Variants in FHL2 observed in about 807,000 individuals in gnomAD.
The protein encoded by FHL2 is four and a half LIM domains protein 2.
FHL2 carries 20 observed loss-of-function variants against 32.7 expected under a neutral mutation model. That is an observed-to-expected ratio of 0.61 (90% CI 0.43 to 0.89). The LOEUF (loss-of-function observed/expected upper bound fraction) is 0.89, where lower values mean the gene tolerates loss of function less well. Ranked by LOEUF, FHL2 falls within the 40% of genes least tolerant of loss-of-function variation. The pLI is 0.00. For synonymous variants in FHL2, 123 were observed against 128.1 expected, an observed-to-expected ratio of 0.96 and a Z score of 0.27; for missense variants, 311 against 358.6, an observed-to-expected ratio of 0.87 and a Z score of 1.07.
chr2:105,404,406 G>A (rs1285652029), intron 1 of FHL2, among the ~76,000 whole-genome samples: 1 of 152,174 alleles, frequency 6.6e-6, no homozygotes, highest in African/African-American at 2.4e-5. Flanking sequence ...CTGGCAGTGG[G>A]GTCAGGAGGC....
chr2:105,419,257 C>T (rs772484664), intron 1 of FHL2, among the ~76,000 whole-genome samples: 3 of 152,154 alleles, frequency 2.0e-5, no homozygotes, highest in Non-Finnish European at 4.4e-5. Flanking sequence ...TGTTTGGTTA[C>T]GTAAGTAAGT....
In FHL2 at chr2:105,381,525, G is replaced by A. The variant is rs1021329133; in HGVS notation, c.156+4836C>T. Among the ~76,000 whole-genome samples, 6 of 152,208 alleles carry A rather than the reference G, an allele frequency of 3.9e-5. No homozygotes were observed. The East Asian group carries it at 5.8e-4, about 15-fold the overall frequency. ...GGTGCATGCGAGGTCACTGCTGAGC[G>A]CTGTGCACCTCTGCTGCTATGTCTT... is the stretch of plus-strand genomic sequence containing the variant. On this transcript the variant is annotated intron_variant, in intron 3 of 6. Transcript: ENST00000530340.
intron 1 of FHL2, among the ~76,000 whole-genome samples, chr2:105,434,351 C>T (rs919024076): frequency 1.1e-4 from 16 of 152,292 alleles, no homozygotes; most frequent in African/African-American, 3.4e-4. Context: ...GTGGGCGGAT[C>T]GCCTGAGGTC....
At chr2:105,421,014 G>A (rs892181310) in intron 1 of FHL2, among the ~76,000 whole-genome samples, 1 of 152,208 alleles carries the variant, frequency 6.6e-6, no homozygotes, top group Admixed American at 6.5e-5. Context: ...TCCACACCAT[G>A]AGAATGGGGC....
chr2:105,388,588 C>T (rs187802230), intron 2 of FHL2, among the ~76,000 whole-genome samples: 2 of 151,194 alleles, frequency 1.3e-5, no homozygotes, highest in Admixed American at 6.6e-5. Context: ...TTTGGGAGGC[C>T]GAGACAGGTG....
intron 1 of FHL2, among the ~76,000 whole-genome samples, chr2:105,425,476 T>C (rs2104674604): frequency 6.6e-6 from 1 of 151,924 alleles, no homozygotes; most frequent in Admixed American, 6.6e-5. Flanking sequence ...CCAACACCCG[T>C]AAAGGGTCTG....
Position 105,361,409 on chromosome 2 carries a change from G to A in FHL2, c.714C>T (p.Ser238=), listed in dbSNP as rs1573267459. The A allele has an allele frequency of 1.2e-6, 2 of 1,614,078 alleles. No homozygotes were observed. Among genetic ancestry groups the A allele is most frequent in the Non-Finnish European group, 1.7e-6 (2 of 1,179,976 alleles). The change falls in exon 7 of 7, where the codon TCC becomes TCT. Residue 238 remains serine (S), a synonymous_variant. Transcript: ENST00000530340. ...ISGLGGTKYI[S]FEERQWHNDC... ...CGTTATGCCACTGCCGTTCCTCAAA[G>A]GAGATGTATTTTGTGCCACCAAGTC...
chr2:105,437,151 G>T (rs573296348), intron 1 of FHL2, among the ~76,000 whole-genome samples: 1 of 152,298 alleles, frequency 6.6e-6, no homozygotes, highest in African/African-American at 2.4e-5. Context: ...TGGAAAATAT[G>T]CAACTTTTCA....
intron 1 of FHL2, 92 bp downstream of exon 1, chr2:105,398,750 A>C: frequency 1.9e-6 from 2 of 1,058,576 alleles, no homozygotes; most frequent in Non-Finnish European, 1.3e-6. Flanking sequence ...TCTACCCCAC[A>C]GCTCAACTCC....
chr2:105,365,462 C>T (rs747571995), intron 5 of FHL2, among the ~76,000 whole-genome samples: 8 of 152,070 alleles, frequency 5.3e-5, no homozygotes, highest in Non-Finnish European at 8.8e-5. Flanking sequence ...GAATAAAGCA[C>T]ACATTGGAAA....
intron 1 of FHL2, among the ~76,000 whole-genome samples, chr2:105,397,881 G>GTTTTTTTTTTTTTTTT (rs749684273): frequency 8.6e-6 from 1 of 116,302 alleles, no homozygotes; most frequent in African/African-American, 3.1e-5. Flanking sequence ...TTGTTTTTTT[G>GTTTTTTTTTTTTTTTT]TTTTTTGTTT....
chr2:105,399,738 A>G (rs1030671082), upstream of FHL2: 1 of 990,882 alleles, frequency 1.0e-6, no homozygotes, highest in African/African-American at 1.6e-5. Context: ...GTAGGGACAG[A>G]TGGCACTGTT....
intron 1 of FHL2, among the ~76,000 whole-genome samples, chr2:105,410,093 G>A (rs920227214): frequency 6.6e-6 from 1 of 152,228 alleles, no homozygotes; most frequent in Non-Finnish European, 1.5e-5. Context: ...AGAGTTCAGG[G>A]ATCACACCAG....
intron 3 of FHL2, among the ~76,000 whole-genome samples, chr2:105,380,177 T>C (rs907452369): frequency 6.6e-6 from 1 of 152,202 alleles, no homozygotes; most frequent in African/African-American, 2.4e-5. Context: ...TGGTATTCTC[T>C]GAGTCTCAGC....
chr2:105,361,086 G>T lies in FHL2; in HGVS notation c.*197C>A. 1 of 475,958 alleles carries T rather than the reference G, an allele frequency of 2.1e-6. No individual in the cohort carries two copies. Among genetic ancestry groups the T allele is most frequent in the Non-Finnish European group, 3.6e-6 (1 of 275,442 alleles). 29.5% of individuals were successfully genotyped at this position (475,958 alleles called of 1,614,324 possible). On this transcript the variant is annotated 3_prime_UTR_variant, in exon 7 of 7. Coordinates refer to ENST00000530340, the MANE Select transcript of FHL2 (RefSeq NM_001318895.3). ...AACCATCTTCCCACCTAGGGCCTAG[G>T]GCGAGTTTTCTCTTTCCCTGGGACT...
At chr2:105,377,260 A>T (rs1389909582) in intron 3 of FHL2, among the ~76,000 whole-genome samples, 2 of 152,224 alleles carry the variant, frequency 1.3e-5, no homozygotes, top group Non-Finnish European at 2.9e-5. Flanking sequence ...TGCACTTACT[A>T]CTGAACAGTA....
chr2:105,384,107 T>C (rs1157179030), intron 3 of FHL2, among the ~76,000 whole-genome samples: 4 of 152,228 alleles, frequency 2.6e-5, no homozygotes, highest in Non-Finnish European at 5.9e-5. Context: ...TGTTTTTATT[T>C]CAGCCACTGG....
At chr2:105,399,174 C>A, upstream of FHL2, 1 of 1,393,630 alleles carries the variant, frequency 7.2e-7, no homozygotes, top group Non-Finnish European at 9.2e-7. Context: ...CCCCAGGCCT[C>A]GCGGTTGCCG....
At chr2:105,432,680 G>C (rs181199093) in intron 1 of FHL2, among the ~76,000 whole-genome samples, 1 of 150,202 alleles carries the variant, frequency 6.7e-6, no homozygotes, top group Admixed American at 6.7e-5. Flanking sequence ...ACAGACACAC[G>C]CAGAGACATG....
Sources: allele counts gnomAD v4.1 joint callset (sites outside exome capture counted in the v4.1 genomes callset), GRCh38; gene constraint gnomAD v4.1.1; transcripts MANE v1.5; gene names NCBI Gene and HGNC (gene_info 2026-07-23, HGNC 2026-07-21).